Variants in TASOR observed in about 807,000 individuals in gnomAD.
TASOR encodes the protein protein TASOR.
Under a neutral mutation model 178.6 loss-of-function variants are expected in TASOR, and 53 were observed. That is an observed-to-expected ratio of 0.30 (90% confidence interval 0.24 to 0.37). TASOR has a LOEUF of 0.37. Ranked by LOEUF, TASOR falls within the 10% of genes least tolerant of loss-of-function variation. The pLI, the probability that TASOR is intolerant of heterozygous loss-of-function variation, is 1.00. For missense variants in TASOR, 1,815 were observed against 1,971.4 expected, an observed-to-expected ratio of 0.92 and a Z score of 1.50; for synonymous variants, 713 against 696.2, an observed-to-expected ratio of 1.02 and a Z score of -0.38.
rs903830190 is a variant in TASOR at position 56,661,489 on chromosome 3, AT to A, written c.1161-473del. On this transcript the variant is annotated intron_variant, in intron 9 of 23. Transcript: ENST00000683822. ...GATTTGATACTGGAAGTCCAGATATATACATGGGTAGATAGCTAGCCAGGCA... is the reference window on the plus strand; with the variant it reads ...GATTTGATACTGGAAGTCCAGATATAACATGGGTAGATAGCTAGCCAGGCA... Among the ~76,000 whole-genome samples, 7 of 152,328 alleles carry A rather than the reference AT, an allele frequency of 4.6e-5. 1 individual carries two copies. Among genetic ancestry groups the A allele is most frequent in the Admixed American group, 1.3e-4 (2 of 15,296 alleles).
At position 56,624,522 on chromosome 3, in the gene TASOR, G is replaced by C. The variant is rs750207156; in HGVS notation, c.4440C>G (p.Asn1480Lys). The C allele has an allele frequency of 1.2e-6, 2 of 1,613,988 alleles. No homozygotes were observed. Among genetic ancestry groups the C allele is most frequent in the East Asian group, 4.5e-5 (2 of 44,864 alleles). ...TCTCATTAGCACCAAGCTGTGGAAG[G>C]TTTTCTTCTGTGATTGAATTGTGAT... ...VGYHNSITEE[N>K]LPQLGANENL... Residue 1480 changes from asparagine (N) to lysine (K), a missense_variant, in exon 23 of 24, where the codon AAC becomes AAG. Transcript: ENST00000683822.
At chr3:56,653,288 AAG>A (rs2077393836) in intron 11 of TASOR, among the ~76,000 whole-genome samples, 4 of 94,832 alleles carry the variant, frequency 4.2e-5, no homozygotes, top group African/African-American at 1.5e-4. Context: ...AAAAAAAAAA[AAG>A]AAAAGACAAG....
At position 56,623,132 on chromosome 3, in the gene TASOR, A is replaced by G. The variant is rs766356057; in HGVS notation, c.4918T>C (p.Ser1640Pro). Residue 1640 changes from serine (S) to proline (P), a missense_variant, in exon 24 of 24, where the codon TCT (serine) becomes CCT (proline). Physicochemically the swap from Ser to Pro is moderately conservative, Grantham distance 74. Around this residue, in one of 5 missense-constraint regions of TASOR, gnomAD observed 278 missense variants for 257.1 expected, o/e 1.08. Coordinates refer to ENST00000683822, the MANE Select transcript of TASOR (RefSeq NM_001365635.2). ...CTATCCAAGCTTTCAGTATAAGCAGATAAGAAGTAATTCTCATTTTCTTGA... is the reference window on the plus strand; with the variant it reads ...CTATCCAAGCTTTCAGTATAAGCAGGTAAGAAGTAATTCTCATTTTCTTGA... ...QSQENENYFL[S>P]AYTESLDRDK... 9.3e-6 allele frequency: 15 copies of G among 1,613,714 alleles called. No individual in the cohort carries two copies. The highest frequency in any genetic ancestry group is 3.3e-5 in the South Asian group (3 of 91,044).
intron 3 of TASOR, 126 bp downstream of exon 3, chr3:56,671,474 A>G (rs965896560): frequency 6.5e-6 from 4 of 618,884 alleles, no homozygotes; most frequent in Admixed American, 6.8e-5. Context: ...GCCCCATTAA[A>G]TCATGTATTC....
At chr3:56,652,081 C>T (rs551664953) in intron 11 of TASOR, among the ~76,000 whole-genome samples, 14 of 152,148 alleles carry the variant, frequency 9.2e-5, no homozygotes, top group African/African-American at 2.7e-4. Flanking sequence ...AGGCACCGAA[C>T]GCCACATATT....
Position 56,633,150 on chromosome 3 carries a change from G to C in TASOR, c.3641C>G (p.Pro1214Arg). ...TTTAACCAAACTATTAAATACTTCA[G>C]GTTCTAACTGGCTTATAAAATTTGA... ...ALSNFISQLE[P>R]EVFNSLVKIM... Residue 1214 changes from proline (P) to arginine (R), a missense_variant, in exon 18 of 24, where the codon CCT (proline) becomes CGT (arginine). Physicochemically the swap from Pro to Arg is moderately radical, Grantham distance 103. This residue lies in a region of TASOR where 655 missense variants were observed against 671.1 expected (regional missense o/e 0.98). Transcript: ENST00000683822. 6.2e-7 allele frequency: 1 copy of C among 1,614,022 alleles called. No homozygotes were observed. The highest frequency in any genetic ancestry group is 8.5e-7 in the Non-Finnish European group (1 of 1,179,984).
intron 11 of TASOR, among the ~76,000 whole-genome samples, chr3:56,655,565 G>C (rs949298390): frequency 2.6e-5 from 4 of 152,016 alleles, no homozygotes; most frequent in African/African-American, 9.7e-5. Flanking sequence ...CCAGGAGTTT[G>C]AGACAAGCCT....
rs1281564803 is a variant in TASOR at position 56,682,572 on chromosome 3, G to A, written c.331+104C>T. ...GGGAGAGGCGGCCGGCGCTGCATGC[G>A]TGTTTACGTATCTCGGATGGGTGTG... On this transcript the variant is annotated intron_variant, in intron 1 of 23. Coordinates refer to ENST00000683822, the MANE Select transcript of TASOR (RefSeq NM_001365635.2). The A allele has an allele frequency of 2.8e-6, 3 of 1,073,908 alleles. No homozygotes were observed. In the African/African-American group the frequency reaches 5.0e-5, roughly 18 times the overall value. 66.5% of individuals were successfully genotyped at this position (1,073,908 alleles called of 1,614,324 possible). A position where few individuals can be genotyped will look rare whatever the true frequency, so the allele number is the denominator to read the frequency against.
chr3:56,625,478 T>C (rs1029574786), intron 21 of TASOR, among the ~76,000 whole-genome samples: 1 of 151,978 alleles, frequency 6.6e-6, no homozygotes, highest in Non-Finnish European at 1.5e-5. Flanking sequence ...TGAAACCCCA[T>C]CTCTACTCAA....
chr3:56,663,201 G>T (rs2077636395), intron 8 of TASOR, among the ~76,000 whole-genome samples: 1 of 151,984 alleles, frequency 6.6e-6, no homozygotes, highest in South Asian at 2.1e-4. Context: ...AAAAAACAAA[G>T]AAACTTTAAA....
At chr3:56,669,845 G>A in intron 4 of TASOR, 54 bp from the exon 5 acceptor site, 1 of 1,264,802 alleles carries the variant, frequency 7.9e-7, no homozygotes, top group Non-Finnish European at 1.1e-6. Flanking sequence ...AAATCACTAG[G>A]ACTAAAATAA....
chr3:56,657,911 T>A (rs2077507311), intron 11 of TASOR, among the ~76,000 whole-genome samples: 1 of 152,220 alleles, frequency 6.6e-6, no homozygotes, highest in Non-Finnish European at 1.5e-5. Flanking sequence ...CTTTTACCTA[T>A]GTAGTATGCA....
chr3:56,624,550 C>T lies in TASOR; in HGVS notation c.4412G>A (p.Gly1471Asp), dbSNP rs748653314. The T allele has an allele frequency of 2.5e-6, 4 of 1,614,032 alleles. No individual in the cohort carries two copies. The South Asian group carries it at 3.3e-5, about 13-fold the overall frequency. Residue 1471 changes from glycine to aspartate, a missense_variant, in exon 23 of 24, where the codon GGC (glycine) becomes GAC (aspartate). By Grantham distance (94) the Gly-to-Asp change is moderately conservative. Coordinates refer to ENST00000683822, the MANE Select transcript of TASOR (RefSeq NM_001365635.2). Reference protein sequence around the residue: ...DFMQNFKNLVGYHNSITEENL... With the variant: ...DFMQNFKNLVDYHNSITEENL... ...TTCTTCTGTGATTGAATTGTGATAG[C>T]CCACAAGATTTTTAAAGTTTTGCAT...
chr3:56,677,615 G>A (rs2031424457), intron 1 of TASOR, among the ~76,000 whole-genome samples: 1 of 152,058 alleles, frequency 6.6e-6, no homozygotes, highest in Non-Finnish European at 1.5e-5. Flanking sequence ...TGTGCATATG[G>A]GTATTAGACA....
rs1418826116 is a variant in TASOR at position 56,623,421 on chromosome 3, C to CT, written c.4628dup (p.Asn1544GlufsTer5). The CT allele has an allele frequency of 1.9e-6, 3 of 1,613,422 alleles. No homozygotes were observed. The highest frequency in any genetic ancestry group is 2.5e-6 in the Non-Finnish European group (3 of 1,179,876). ...ACGATTGCAACTCAATTTGAGTATT[C>CT]TTTTTTTGATCTGTTCCACGTGATC... On this transcript the variant is annotated frameshift_variant, in exon 24 of 24. Coordinates refer to ENST00000683822, the MANE Select transcript of TASOR (RefSeq NM_001365635.2). LOFTEE classifies it high-confidence loss of function.
intron 18 of TASOR, 92 bp downstream of exon 18, chr3:56,632,937 TAACATTTAAACACAA>T (rs2076945896): frequency 3.1e-6 from 3 of 959,614 alleles, no homozygotes; most frequent in African/African-American, 1.7e-5. Context: ...ATTCCTGGCC[TAACATTTAAACACAA>T]AACATTTAAA....
intron 9 of TASOR, 123 bp downstream of exon 9, chr3:56,662,262 C>T (rs1198015581): frequency 1.6e-6 from 1 of 630,540 alleles, no homozygotes. Context: ...AAAAAACAAA[C>T]CAACATTTAT....
At chr3:56,627,881 AAAT>A (rs3830332) in intron 19 of TASOR, 140 bp from the exon 20 acceptor site, 190,941 of 682,398 alleles carry the variant, frequency 0.28, 29,373 homozygotes, top group East Asian at 0.46. Context: ...AAAGCCACAC[AAAT>A]AATATTCCCA....
chr3:56,627,558 G>A (rs56758331), intron 20 of TASOR, 24 bp downstream of exon 20: 79,300 of 1,611,414 alleles, frequency 0.049, 2,185 homozygotes, highest in East Asian at 0.095. Context: ...GAGGAGTTAC[G>A]TGCTCAAAAG....
Sources: gnomAD v4.1 joint callset for allele counts (sites outside exome capture counted in the v4.1 genomes callset) on GRCh38, gnomAD v4.1.1 for gene constraint, gnomAD v4.1.1 regional missense constraint, MANE v1.5 for transcripts, NCBI Gene and HGNC (gene_info 2026-07-23, HGNC 2026-07-21) for gene names.